The following NLGN1 variants were observed in gnomAD, a reference collection of about 807,000 sequenced individuals.
The protein encoded by NLGN1 is neuroligin 1.
Under a neutral mutation model 65.5 loss-of-function variants are expected in NLGN1, and 12 were observed. The observed-to-expected ratio is 0.18, with a 90% CI of 0.12 to 0.30. NLGN1 has a LOEUF of 0.30. Ranked by LOEUF, NLGN1 falls within the 10% of genes least tolerant of loss-of-function variation. NLGN1 has a pLI of 1.00. For synonymous variants in NLGN1, 350 were observed against 359.5 expected, an observed-to-expected ratio of 0.97 and a Z score of 0.30; for missense variants, 750 against 1,007.1, an observed-to-expected ratio of 0.74 and a Z score of 3.46.
intron 4 of NLGN1, among the ~76,000 whole-genome samples, chr3:174,214,885 A>G (rs1268360150): frequency 6.6e-6 from 1 of 152,048 alleles, no homozygotes; most frequent in African/African-American, 2.4e-5. Context: ...ACTTAAACTT[A>G]TATGTTATTG....
intron 3 of NLGN1, among the ~76,000 whole-genome samples, chr3:173,709,184 C>T (rs960661848): frequency 3.9e-4 from 59 of 152,244 alleles, no homozygotes; most frequent in African/African-American, 1.2e-3. Context: ...TTCTCATTTG[C>T]GCTGTATCTA....
chr3:173,995,640 GT>G lies in NLGN1; in HGVS notation c.646+187818del, dbSNP rs66791145. ...CCCCAATTAGTGTTAGACTTTTTTT[GT>G]TTTTTTTTTCTTTTTCTTTCATTCT... On this transcript the variant is annotated intron_variant, in intron 4 of 6. Transcript: ENST00000457714. 2.4e-3 allele frequency among the ~76,000 whole-genome samples: 326 copies of G among 138,374 alleles called. 1 individual carries two copies. The highest frequency in any genetic ancestry group is 9.2e-3 in the South Asian group (38 of 4,150). The allele number at this position is 138,374 out of a possible 152,430, so 90.8% of individuals were successfully genotyped here.
At chr3:174,182,644 T>C (rs1730662842) in intron 4 of NLGN1, among the ~76,000 whole-genome samples, 1 of 152,106 alleles carries the variant, frequency 6.6e-6, no homozygotes. Context: ...TTAAAATCCA[T>C]TAAATACCAT....
intron 2 of NLGN1, among the ~76,000 whole-genome samples, chr3:173,545,805 G>A (rs1739705009): frequency 6.6e-6 from 1 of 152,138 alleles, no homozygotes; most frequent in Non-Finnish European, 1.5e-5. Flanking sequence ...GGATATGGAT[G>A]AAGCTGGAAA....
chr3:173,797,706 A>AC (rs1714448106), intron 3 of NLGN1, among the ~76,000 whole-genome samples: 1 of 151,462 alleles, frequency 6.6e-6, no homozygotes, highest in Non-Finnish European at 1.5e-5. Flanking sequence ...CAACAAAAAA[A>AC]AACAAGAAAC....
intron 4 of NLGN1, among the ~76,000 whole-genome samples, chr3:174,171,485 A>G (rs894016909): frequency 6.6e-6 from 1 of 152,188 alleles, no homozygotes; most frequent in Non-Finnish European, 1.5e-5. Context: ...AAAGAAAAAC[A>G]TGATCTAGAA....
chr3:173,428,439 A>G (rs1008987366), intron 1 of NLGN1, among the ~76,000 whole-genome samples: 18 of 151,336 alleles, frequency 1.2e-4, no homozygotes, highest in African/African-American at 4.4e-4. Flanking sequence ...TATTTTTAAC[A>G]TATCTGTATT....
At chr3:173,757,123 G>C (rs1010062889) in intron 3 of NLGN1, among the ~76,000 whole-genome samples, 1 of 151,908 alleles carries the variant, frequency 6.6e-6, no homozygotes, top group Non-Finnish European at 1.5e-5. Context: ...GGAAGATGCT[G>C]CAACTAAGAA....
chr3:173,500,487 C>T (rs1019709005), intron 2 of NLGN1, among the ~76,000 whole-genome samples: 10 of 152,112 alleles, frequency 6.6e-5, no homozygotes, highest in Non-Finnish European at 4.4e-5. Flanking sequence ...CATCTATGTT[C>T]ATCAGGGATA....
At chr3:173,842,028 C>T (rs1724873817) in intron 4 of NLGN1, among the ~76,000 whole-genome samples, 1 of 152,168 alleles carries the variant, frequency 6.6e-6, no homozygotes, top group Admixed American at 6.5e-5. Flanking sequence ...TAATTGGACT[C>T]ACAGTTCCAC....
intron 2 of NLGN1, among the ~76,000 whole-genome samples, chr3:173,580,313 A>G (rs1746193526): frequency 6.6e-6 from 1 of 152,098 alleles, no homozygotes; most frequent in Non-Finnish European, 1.5e-5. Context: ...GTTTTTTATC[A>G]GAGCTGAAAT....
intron 3 of NLGN1, among the ~76,000 whole-genome samples, chr3:173,631,135 A>G (rs2149540960): frequency 6.6e-6 from 1 of 152,284 alleles, no homozygotes; most frequent in East Asian, 1.9e-4. Flanking sequence ...GAAAGTGGTT[A>G]TTTTAAATTA....
At chr3:173,628,271 T>C (rs1436611536) in intron 3 of NLGN1, among the ~76,000 whole-genome samples, 2 of 152,172 alleles carry the variant, frequency 1.3e-5, no homozygotes, top group Non-Finnish European at 2.9e-5. Flanking sequence ...CAACTTTAGG[T>C]TGAGCTCACT....
At chr3:173,779,552 A>G (rs1022453668) in intron 3 of NLGN1, among the ~76,000 whole-genome samples, 11 of 152,114 alleles carry the variant, frequency 7.2e-5, no homozygotes, top group Non-Finnish European at 8.8e-5. Flanking sequence ...AACCTCAGAT[A>G]TAAAGATAAA....
intron 4 of NLGN1, among the ~76,000 whole-genome samples, chr3:174,271,476 T>TACA (rs1328449119): frequency 6.6e-6 from 1 of 151,852 alleles, no homozygotes; most frequent in Non-Finnish European, 1.5e-5. Flanking sequence ...GAGTTCCATA[T>TACA]ACAACAGTAG....
intron 4 of NLGN1, among the ~76,000 whole-genome samples, chr3:174,087,763 G>T (rs529321556): frequency 2.0e-5 from 3 of 152,124 alleles, no homozygotes; most frequent in Non-Finnish European, 4.4e-5. Flanking sequence ...TTGATCGTAA[G>T]GATCCATCAC....
chr3:173,613,672 G>T (rs1317842810), intron 3 of NLGN1, among the ~76,000 whole-genome samples: 1 of 152,024 alleles, frequency 6.6e-6, no homozygotes, highest in African/African-American at 2.4e-5. Flanking sequence ...ATTGAACAAC[G>T]TTATTTTTAA....
At chr3:174,211,904 C>T (rs1027709194) in intron 4 of NLGN1, among the ~76,000 whole-genome samples, 101 of 152,304 alleles carry the variant, frequency 6.6e-4, no homozygotes, top group African/African-American at 2.4e-3. Flanking sequence ...GCCCAGCTGG[C>T]TTCACCCAGT....
chr3:173,915,797 G>T (rs908546401), intron 4 of NLGN1, among the ~76,000 whole-genome samples: 1 of 151,870 alleles, frequency 6.6e-6, no homozygotes, highest in Non-Finnish European at 1.5e-5. Context: ...AGAAAACCAT[G>T]GTACTTATAT....
Sources: gnomAD v4.1 joint callset for allele counts (sites outside exome capture counted in the v4.1 genomes callset) on GRCh38, gnomAD v4.1.1 for gene constraint, MANE v1.5 for transcripts, NCBI Gene and HGNC (gene_info 2026-07-23, HGNC 2026-07-21) for gene names.